CCSER1: variants seen among roughly 807,000 people sequenced by gnomAD.
CCSER1 encodes coiled-coil serine rich protein 1.
Under a neutral mutation model 82.0 loss-of-function variants are expected in CCSER1, and 41 were observed. The ratio of observed to expected loss-of-function variants is 0.50; its 90% CI spans 0.39 to 0.65. CCSER1 has a LOEUF of 0.65. CCSER1 is among the 30% of genes least tolerant of loss of function. The pLI is 0.00. For synonymous variants in CCSER1, 414 were observed against 383.9 expected (o/e 1.08, Z -0.92); for missense variants, 1,119 against 1,064.2 (o/e 1.05, Z -0.72).
intron 10 of CCSER1, among the ~76,000 whole-genome samples, chr4:91,194,220 T>G (rs1735226626): frequency 6.6e-6 from 1 of 152,192 alleles, no homozygotes; most frequent in African/African-American, 2.4e-5. Context: ...TCTGCCTGCC[T>G]TGGCCTCCTA....
At chr4:91,282,008 A>C (rs1742951098) in intron 10 of CCSER1, among the ~76,000 whole-genome samples, 2 of 152,190 alleles carry the variant, frequency 1.3e-5, no homozygotes, top group African/African-American at 4.8e-5. Flanking sequence ...TTAGCTTTTA[A>C]TTACTTAGAC....
intron 9 of CCSER1, among the ~76,000 whole-genome samples, chr4:90,998,041 T>C (rs1285572260): frequency 4.6e-5 from 7 of 152,146 alleles, no homozygotes; most frequent in Non-Finnish European, 1.5e-5. Context: ...TGCTTTAATT[T>C]TCCATTGAAA....
intron 9 of CCSER1, among the ~76,000 whole-genome samples, chr4:90,960,558 T>G (rs115674749): frequency 1.9e-3 from 290 of 152,298 alleles, no homozygotes; most frequent in Non-Finnish European, 3.2e-3. Context: ...TCCACCACTC[T>G]CAGCCTATCC....
In CCSER1 at chr4:91,386,034, GC is replaced by G. The variant is rs551418575; in HGVS notation, c.2218-212535del. On this transcript the variant is annotated intron_variant, in intron 10 of 10. Transcript: ENST00000509176. The stretch of plus-strand genomic sequence containing the variant: ...CAAATGCATACATATATGCTTCTAG[GC>G]CCTCTTAGTAAACAGATATTCAAGC... Among the ~76,000 whole-genome samples the G allele has an allele frequency of 1.3e-3, 193 of 151,070 alleles. 1 individual carries two copies. The highest frequency in any genetic ancestry group is 4.5e-3 in the African/African-American group (184 of 41,212).
At position 90,225,072 on chromosome 4, in the gene CCSER1, T is replaced by G. The variant is rs528830554; in HGVS notation, c.-41-83172T>G. Reference sequence around the variant, plus strand: ...TAAAATGACTTCCTTTTTTTTTTCTTTTTTATTTTTGAGACAGTTTTCACT... The same window carrying G: ...TAAAATGACTTCCTTTTTTTTTTCTGTTTTATTTTTGAGACAGTTTTCACT... On this transcript the variant is annotated intron_variant, in intron 1 of 10. Coordinates refer to ENST00000509176, the MANE Select transcript of CCSER1 (RefSeq NM_001145065.2). Among the ~76,000 whole-genome samples, 6 of 152,138 alleles carry G rather than the reference T, an allele frequency of 3.9e-5. No individual in the cohort carries two copies. The South Asian group carries it at 8.3e-4, about 21-fold the overall frequency.
At chr4:90,162,162 A>G (rs1356530263) in intron 1 of CCSER1, among the ~76,000 whole-genome samples, 1 of 152,138 alleles carries the variant, frequency 6.6e-6, no homozygotes, top group African/African-American at 2.4e-5. Context: ...TTTTTGCCTC[A>G]GGAAGCTCAT....
chr4:90,899,074 G>GTTTGTTCT (rs1241438383), intron 8 of CCSER1, among the ~76,000 whole-genome samples: 1 of 151,970 alleles, frequency 6.6e-6, no homozygotes, highest in African/African-American at 2.4e-5. Context: ...TTCTATCTAT[G>GTTTGTTCT]AGCATATCAT....
chr4:90,496,409 A>G (rs1187614017), intron 5 of CCSER1, among the ~76,000 whole-genome samples: 1 of 152,184 alleles, frequency 6.6e-6, no homozygotes, highest in African/African-American at 2.4e-5. Context: ...TGCCTCAGAG[A>G]TTCACATGGA....
At chr4:91,091,993 G>T in intron 10 of CCSER1, among the ~76,000 whole-genome samples, 1 of 152,146 alleles carries the variant, frequency 6.6e-6, no homozygotes, top group Non-Finnish European at 1.5e-5. Flanking sequence ...AGTCCTCGCG[G>T]TATAGGAGGA....
At position 90,379,028 on chromosome 4, in the gene CCSER1, C is replaced by T. The variant is rs115666698; in HGVS notation, c.1510-21008C>T. ...TTAAAGACAGGATTAGAATAGAGAG[C>T]ATATCAGATAAGAGCGAAAACAGAG... On this transcript the variant is annotated intron_variant, in intron 3 of 10. Coordinates refer to ENST00000509176, the MANE Select transcript of CCSER1 (RefSeq NM_001145065.2). Among the ~76,000 whole-genome samples, 413 of 152,212 alleles carry T rather than the reference C, an allele frequency of 2.7e-3. 3 individuals are homozygous for T. Among genetic ancestry groups the T allele is most frequent in the African/African-American group, 9.4e-3 (390 of 41,522 alleles).
In CCSER1 at chr4:91,034,962, C is replaced by T. The variant is rs558086773; in HGVS notation, c.2173-50988C>T. ...TAGCTTGACATTTTCTTCATGATGA[C>T]AAAGCCTGGGCAAAACACATGTATG... On this transcript the variant is annotated intron_variant, in intron 9 of 10. Transcript: ENST00000509176. 9.2e-5 allele frequency among the ~76,000 whole-genome samples: 14 copies of T among 152,154 alleles called. 1 individual carries two copies. The highest frequency in any genetic ancestry group is 2.9e-4 in the African/African-American group (12 of 41,530).
chr4:90,649,481 T>C (rs1728319518), intron 6 of CCSER1: 1 of 152,078 alleles, frequency 6.6e-6, no homozygotes, highest in Non-Finnish European at 1.5e-5. Context: ...GTGGGTGCAC[T>C]TAGAGGAAGA....
At chr4:90,607,281 T>A (rs1784853189) in intron 5 of CCSER1, among the ~76,000 whole-genome samples, 4 of 152,154 alleles carry the variant, frequency 2.6e-5, no homozygotes, top group Middle Eastern at 3.2e-3. Flanking sequence ...ATAGAATAAA[T>A]CTTATGTGTT....
intron 1 of CCSER1, among the ~76,000 whole-genome samples, chr4:90,298,069 T>C (rs1010005974): frequency 6.6e-6 from 1 of 152,178 alleles, no homozygotes; most frequent in African/African-American, 2.4e-5. Flanking sequence ...GGAGGAATGG[T>C]ACCAGTTCCT....
chr4:90,210,882 T>C (rs78122697), intron 1 of CCSER1, among the ~76,000 whole-genome samples: 1,774 of 152,342 alleles, frequency 0.012, 22 homozygotes, highest in African/African-American at 0.033. Context: ...TTTTTTTAAT[T>C]AAAATAATTC....
At chr4:90,587,364 C>T (rs1782144994) in intron 5 of CCSER1, among the ~76,000 whole-genome samples, 1 of 152,164 alleles carries the variant, frequency 6.6e-6, no homozygotes, top group African/African-American at 2.4e-5. Context: ...GTAATTCCAG[C>T]ACTTTGGGAG....
At chr4:91,382,796 G>A (rs144593038) in intron 10 of CCSER1, among the ~76,000 whole-genome samples, 3,041 of 152,142 alleles carry the variant, frequency 0.02, 80 homozygotes, top group African/African-American at 0.068. Context: ...CTTCTGCGTC[G>A]CTCATGCTGG....
intron 10 of CCSER1, among the ~76,000 whole-genome samples, chr4:91,362,952 G>A (rs1341259634): frequency 1.3e-5 from 2 of 151,666 alleles, no homozygotes; most frequent in African/African-American, 2.4e-5. Flanking sequence ...GAAAAAGCCT[G>A]TTACCCTTAA....
intron 10 of CCSER1, among the ~76,000 whole-genome samples, chr4:91,551,778 A>G (rs1417126187): frequency 1.3e-5 from 2 of 150,610 alleles, no homozygotes; most frequent in Non-Finnish European, 3.0e-5. Context: ...ATTAATTTAT[A>G]TTTCCAAAGA....
Sources: gnomAD v4.1 joint callset for allele counts (sites outside exome capture counted in the v4.1 genomes callset) on GRCh38, gnomAD v4.1.1 for gene constraint, MANE v1.5 for transcripts, NCBI Gene and HGNC (gene_info 2026-07-23, HGNC 2026-07-21) for gene names.